PPFIA2: variants seen among roughly 807,000 people sequenced by gnomAD.
PPFIA2 encodes liprin-alpha-2.
Under a neutral mutation model 175.5 loss-of-function variants are expected in PPFIA2, and 46 were observed. The observed-to-expected ratio is 0.26, with a 90% confidence interval of 0.21 to 0.34. PPFIA2 has a LOEUF of 0.34. Ranked by LOEUF, PPFIA2 falls within the 10% of genes least tolerant of loss-of-function variation. PPFIA2 has a pLI of 1.00. For missense variants in PPFIA2, 1,179 were observed against 1,506.1 expected, an observed-to-expected ratio of 0.78 and a Z score of 3.60; for synonymous variants, 568 against 511.4, an observed-to-expected ratio of 1.11 and a Z score of -1.49.
chr12:81,527,376 G>A (rs1179930706), intron 4 of PPFIA2, among the ~76,000 whole-genome samples: 1 of 151,722 alleles, frequency 6.6e-6, no homozygotes, highest in Non-Finnish European at 1.5e-5. Context: ...TCCATTTTAT[G>A]CTTCTGTTTA....
At chr12:81,394,897 A>G (rs1437854330) in intron 8 of PPFIA2, among the ~76,000 whole-genome samples, 1 of 152,076 alleles carries the variant, frequency 6.6e-6, no homozygotes, top group African/African-American at 2.4e-5. Context: ...AAACTTGTAA[A>G]TGAAATTCCA....
chr12:81,298,098 C>G (rs946554052), intron 23 of PPFIA2: 2 of 152,058 alleles, frequency 1.3e-5, no homozygotes, highest in Non-Finnish European at 2.9e-5. Flanking sequence ...GCAGCGAACT[C>G]TCTGTCAAAC....
intron 3 of PPFIA2, among the ~76,000 whole-genome samples, chr12:81,700,074 C>T (rs1442821789): frequency 2.0e-5 from 3 of 151,960 alleles, no homozygotes; most frequent in Non-Finnish European, 4.4e-5. Context: ...TGTCTTCATA[C>T]TGCTTCATGG....
chr12:81,299,189 A>C (rs2047216250), intron 23 of PPFIA2, 112 bp downstream of exon 23: 3 of 1,365,608 alleles, frequency 2.2e-6, no homozygotes, highest in Non-Finnish European at 2.9e-6. Context: ...CCTTATGAGC[A>C]ATTCCAGACT....
At chr12:81,519,343 A>G (rs1487409487) in intron 4 of PPFIA2, among the ~76,000 whole-genome samples, 1 of 152,234 alleles carries the variant, frequency 6.6e-6, no homozygotes, top group Non-Finnish European at 1.5e-5. Context: ...CTTAAAGACT[A>G]ATTTTAATGC....
rs558173682 is a variant in PPFIA2, at chr12:81,738,680, A to G, written c.249+15293T>C. 8.1e-4 allele frequency among the ~76,000 whole-genome samples: 123 copies of G among 151,934 alleles called. 1 individual carries two copies. The highest frequency in any genetic ancestry group is 2.8e-3 in the African/African-American group (118 of 41,538). On this transcript the variant is annotated intron_variant, in intron 3 of 32. Transcript: ENST00000549396. ...GTGGCATGAAAGGTTGATTTAAAAA[A>G]AAAACACAGGATAGGAAAAATAGAA... is the stretch of plus-strand genomic sequence containing the variant.
chr12:81,592,307 T>C (rs929807173), intron 4 of PPFIA2, among the ~76,000 whole-genome samples: 3 of 152,170 alleles, frequency 2.0e-5, no homozygotes, highest in Middle Eastern at 3.2e-3. Context: ...GGTAAGACTT[T>C]GGACTGTGGA....
At chr12:81,305,288 T>A (rs1258617020) in intron 22 of PPFIA2, among the ~76,000 whole-genome samples, 1 of 151,514 alleles carries the variant, frequency 6.6e-6, no homozygotes, top group African/African-American at 2.4e-5. Flanking sequence ...CGTTCTCCAA[T>A]TTTTTCTTAT....
rs756587018 is a variant in PPFIA2 at position 81,263,376 on chromosome 12, G to T, written c.3570C>A (p.Asn1190Lys). 1 of 1,613,254 alleles carries T rather than the reference G, an allele frequency of 6.2e-7. No homozygotes were observed. Among genetic ancestry groups the T allele is most frequent in the Non-Finnish European group, 8.5e-7 (1 of 1,179,288 alleles). Residue 1190 changes from asparagine (N) to lysine (K), a missense_variant, in exon 31 of 33, where the codon AAC (asparagine) becomes AAA (lysine). Asn to Lys is a moderately conservative substitution (Grantham distance 94). Coordinates refer to ENST00000549396, the MANE Select transcript of PPFIA2 (RefSeq NM_003625.5). ...TTCTCCAGGTTGATCCACGTCTGAAGTTCTTGTCATCACTCTGCCAGTACA... is the reference window on the plus strand; with the variant it reads ...TTCTCCAGGTTGATCCACGTCTGAATTTCTTGTCATCACTCTGCCAGTACA... ...ERRLDESDDK[N>K]FRRGSTWRRQ...
At chr12:81,292,798 T>G (rs2045401083) in intron 24 of PPFIA2, 1 of 152,100 alleles carries the variant, frequency 6.6e-6, no homozygotes, top group African/African-American at 2.4e-5. Context: ...TATTCTAAAT[T>G]GTCTTTTAGC....
At chr12:81,674,636 C>T (rs2072104077) in intron 4 of PPFIA2, among the ~76,000 whole-genome samples, 1 of 152,006 alleles carries the variant, frequency 6.6e-6, no homozygotes. Flanking sequence ...GCACTCCCAT[C>T]TGGGTGACAG....
intron 28 of PPFIA2, 113 bp from the exon 29 acceptor site, chr12:81,268,200 G>A (rs2037966910): frequency 4.8e-6 from 4 of 839,348 alleles, no homozygotes; most frequent in South Asian, 3.9e-5. Flanking sequence ...GTGCAGTGGC[G>A]GGATCTCGGC....
At chr12:81,710,753 TGTTTTGACTGC>T (rs2077795654) in intron 3 of PPFIA2, among the ~76,000 whole-genome samples, 1 of 151,768 alleles carries the variant, frequency 6.6e-6, no homozygotes, top group African/African-American at 2.4e-5. Context: ...GTTTTGACTG[TGTTTTGACTGC>T]AACCTGTCAC....
intron 22 of PPFIA2, among the ~76,000 whole-genome samples, chr12:81,314,837 T>A (rs2051901921): frequency 6.6e-6 from 1 of 151,448 alleles, no homozygotes; most frequent in Non-Finnish European, 1.5e-5. Context: ...AGTTAATGGC[T>A]GGTAACTGAA....
chr12:81,693,819 T>G (rs1457199914), intron 3 of PPFIA2, among the ~76,000 whole-genome samples: 1 of 152,104 alleles, frequency 6.6e-6, no homozygotes, highest in Non-Finnish European at 1.5e-5. Context: ...TGTCAAGGTC[T>G]TAGATGGAAA....
At chr12:81,314,210 A>C (rs531341638) in intron 22 of PPFIA2, among the ~76,000 whole-genome samples, 1 of 152,062 alleles carries the variant, frequency 6.6e-6, no homozygotes, top group East Asian at 1.9e-4. Flanking sequence ...TTTTGTGCTA[A>C]TATATTATAA....
intron 4 of PPFIA2, among the ~76,000 whole-genome samples, chr12:81,459,284 A>G (rs750002758): frequency 2.6e-5 from 4 of 152,124 alleles, no homozygotes; most frequent in Non-Finnish European, 5.9e-5. Flanking sequence ...AAAACAATAA[A>G]CCTTTCTCTA....
chr12:81,674,265 T>C (rs758595859), intron 4 of PPFIA2, among the ~76,000 whole-genome samples: 142 of 152,184 alleles, frequency 9.3e-4, no homozygotes, highest in East Asian at 7.8e-4. Context: ...ACTTGATGTA[T>C]TCTGTTCAAT....
chr12:81,491,007 C>T lies in PPFIA2; in HGVS notation c.304-33141G>A, dbSNP rs148952258. Among the ~76,000 whole-genome samples the T allele has an allele frequency of 1.6e-3, 249 of 152,028 alleles. 1 individual carries two copies. Among genetic ancestry groups the T allele is most frequent in the African/African-American group, 5.9e-3 (243 of 41,530 alleles). On this transcript the variant is annotated intron_variant, in intron 4 of 32. Transcript: ENST00000549396. Reference sequence around the variant, plus strand: ...CATCTGAACACAATGCTGCTTTCACCTGTTCCTTTATACTCTCCAGGAGGA... The same window carrying T: ...CATCTGAACACAATGCTGCTTTCACTTGTTCCTTTATACTCTCCAGGAGGA...
Sources: allele counts gnomAD v4.1 joint callset (sites outside exome capture counted in the v4.1 genomes callset), GRCh38; gene constraint gnomAD v4.1.1; transcripts MANE v1.5; gene names NCBI Gene and HGNC (gene_info 2026-07-23, HGNC 2026-07-21).